The following PLEK variants were observed in gnomAD, a reference collection of about 807,000 sequenced individuals.
PLEK encodes the protein platelet 47 kDa protein.
In PLEK, 25 loss-of-function variants were observed where a neutral mutation model predicts 43.9. That is an observed-to-expected ratio of 0.57 (90% CI 0.41 to 0.79). PLEK has a LOEUF of 0.79. PLEK is among the 30% of genes least tolerant of loss of function. The pLI is 0.00. For synonymous variants in PLEK, 152 were observed against 144.4 expected, an observed-to-expected ratio of 1.05 and a Z score of -0.38; for missense variants, 396 against 413.3, an observed-to-expected ratio of 0.96 and a Z score of 0.36.
chr2:68,369,256 A>G (rs1673344002), intron 1 of PLEK, among the ~76,000 whole-genome samples: 2 of 152,236 alleles, frequency 1.3e-5, no homozygotes, highest in Admixed American at 6.5e-5. Context: ...AAGTACAGAG[A>G]GGCAAATGGC....
chr2:68,377,650 T>C (rs1467221815), intron 1 of PLEK, among the ~76,000 whole-genome samples: 1 of 152,204 alleles, frequency 6.6e-6, no homozygotes, highest in African/African-American at 2.4e-5. Flanking sequence ...TTGTCTGAGC[T>C]CCTGATATAT....
rs561751308 is a variant in PLEK at position 68,389,141 on chromosome 2, A to T, written c.762+650A>T. On this transcript the variant is annotated intron_variant, in intron 6 of 8. Transcript: ENST00000234313. ...GAGCTCTAGTCGGTTACCAGGTGCCAAGGCATATGATGCCAAGAGGTAAGA... is the reference window on the plus strand; with the variant it reads ...GAGCTCTAGTCGGTTACCAGGTGCCTAGGCATATGATGCCAAGAGGTAAGA... Among the ~76,000 whole-genome samples, 186 of 152,346 alleles carry T rather than the reference A, an allele frequency of 1.2e-3. 1 individual carries two copies. Among genetic ancestry groups the T allele is most frequent in the African/African-American group, 4.4e-3 (181 of 41,584 alleles).
chr2:68,375,015 T>A lies in PLEK; in HGVS notation c.43-5313T>A, dbSNP rs553732112. ...ATGAACATTCTTGATGAAACCTTTA[T>A]GACAATATGCATTCATTTCTCTCAG... On this transcript the variant is annotated intron_variant, in intron 1 of 8. Transcript: ENST00000234313. Among the ~76,000 whole-genome samples, 65 of 152,340 alleles carry A rather than the reference T, an allele frequency of 4.3e-4. 1 individual carries two copies. The Middle Eastern group carries it at 0.01, about 24-fold the overall frequency.
intron 1 of PLEK, among the ~76,000 whole-genome samples, chr2:68,370,451 T>C (rs547112621): frequency 2.0e-5 from 3 of 152,294 alleles, no homozygotes; most frequent in Non-Finnish European, 4.4e-5. Context: ...AGAGCAGAGA[T>C]AGGGTCTTGT....
chr2:68,388,550 C>G, intron 6 of PLEK, 59 bp downstream of exon 6: 1 of 883,638 alleles, frequency 1.1e-6, no homozygotes, highest in Non-Finnish European at 1.9e-6. Flanking sequence ...CTTTTTGTTT[C>G]TAAGTTACCC....
chr2:68,380,930 T>C, intron 3 of PLEK, 26 bp downstream of exon 3: 1 of 1,590,782 alleles, frequency 6.3e-7, no homozygotes, highest in Non-Finnish European at 8.6e-7. Context: ...TACTTCTCTT[T>C]ACCCATTCCT....
At chr2:68,388,200 G>A (rs1035152519) in intron 5 of PLEK, 187 bp from the exon 6 acceptor site, 2 of 526,732 alleles carry the variant, frequency 3.8e-6, no homozygotes, top group African/African-American at 1.9e-5. Flanking sequence ...AGCCCCGGAA[G>A]CAAGTAAAAG....
At chr2:68,383,350 T>C (rs1267053800) in intron 4 of PLEK, among the ~76,000 whole-genome samples, 1 of 152,088 alleles carries the variant, frequency 6.6e-6, no homozygotes, top group Non-Finnish European at 1.5e-5. Flanking sequence ...TTCCAGGGGT[T>C]CAAAAAAAGA....
At position 68,365,344 on chromosome 2, in the gene PLEK, C is replaced by T. The variant is rs771989953; in HGVS notation, c.-8C>T. The T allele has an allele frequency of 6.2e-7, 1 of 1,613,494 alleles. No homozygotes were observed. Among genetic ancestry groups the T allele is most frequent in the Non-Finnish European group, 8.5e-7 (1 of 1,179,534 alleles). On this transcript the variant is annotated 5_prime_UTR_variant, in exon 1 of 9. Coordinates refer to ENST00000234313, the MANE Select transcript of PLEK (RefSeq NM_002664.3). ...AGAGTGACCTTTGCATCTGCCTGTC[C>T]AGCCAGCATGGAACCAAAGCGGATC...
At chr2:68,369,334 T>C (rs1362598049) in intron 1 of PLEK, among the ~76,000 whole-genome samples, 1 of 152,126 alleles carries the variant, frequency 6.6e-6, no homozygotes, top group Admixed American at 6.5e-5. Flanking sequence ...GGCCCCAGTA[T>C]CACGCAGAGC....
intron 6 of PLEK, among the ~76,000 whole-genome samples, chr2:68,392,589 G>T (rs1368498804): frequency 6.6e-6 from 1 of 152,122 alleles, no homozygotes; most frequent in African/African-American, 2.4e-5. Flanking sequence ...ACCTGAGTAT[G>T]TCTCTTGCAT....
rs193105673 is a variant in PLEK, at chr2:68,387,679, G to T, written c.658-708G>T. Among the ~76,000 whole-genome samples the T allele has an allele frequency of 2.0e-3, 307 of 152,216 alleles. 1 individual carries two copies. The highest frequency in any genetic ancestry group is 6.6e-3 in the African/African-American group (273 of 41,534). On this transcript the variant is annotated intron_variant, in intron 5 of 8. Transcript: ENST00000234313. ...TGTTTCTATCTTGGATCAGAGCACA[G>T]AATTTAGGAAGTTACCTAAGAGAAC...
chr2:68,372,177 A>T (rs1345899108), intron 1 of PLEK, among the ~76,000 whole-genome samples: 14 of 148,438 alleles, frequency 9.4e-5, no homozygotes, highest in South Asian at 2.1e-4. Context: ...AGAGAAGTTC[A>T]TTTTTTTTTT....
chr2:68,369,419 G>A (rs916410808), intron 1 of PLEK, among the ~76,000 whole-genome samples: 2 of 151,596 alleles, frequency 1.3e-5, no homozygotes, highest in Non-Finnish European at 2.9e-5. Context: ...TCACCATGAT[G>A]AGGGGTACCC....
At chr2:68,395,600 T>C in intron 8 of PLEK, 80 bp from the exon 9 acceptor site, 2 of 1,475,028 alleles carry the variant, frequency 1.4e-6, no homozygotes, top group Non-Finnish European at 1.9e-6. Context: ...AAACAGAGAT[T>C]TCATGGCTTG....
intron 5 of PLEK, 32 bp from the exon 6 acceptor site, chr2:68,388,355 T>C: frequency 7.9e-7 from 1 of 1,266,358 alleles, no homozygotes; most frequent in Non-Finnish European, 1.2e-6. Context: ...CTAAGACTGG[T>C]GATGTTAGCT....
At chr2:68,365,557 G>T (rs1008026153) in intron 1 of PLEK, 164 bp downstream of exon 1, 1 of 605,160 alleles carries the variant, frequency 1.7e-6, no homozygotes, top group Non-Finnish European at 3.0e-6. Flanking sequence ...TGGGGTTAGG[G>T]GAGTGGGGAT....
At chr2:68,377,615 T>C (rs1221706130) in intron 1 of PLEK, among the ~76,000 whole-genome samples, 2 of 152,160 alleles carry the variant, frequency 1.3e-5, no homozygotes, top group Non-Finnish European at 2.9e-5. Flanking sequence ...TTTTGAATGG[T>C]TTATTAGATT....
intron 1 of PLEK, among the ~76,000 whole-genome samples, chr2:68,378,318 C>T (rs2103767816): frequency 6.6e-6 from 1 of 152,148 alleles, no homozygotes; most frequent in East Asian, 1.9e-4. Flanking sequence ...CAAATCATAG[C>T]ATACACTGAA....
Sources: allele counts gnomAD v4.1 joint callset (sites outside exome capture counted in the v4.1 genomes callset), GRCh38; gene constraint gnomAD v4.1.1; transcripts MANE v1.5; gene names NCBI Gene and HGNC (gene_info 2026-07-23, HGNC 2026-07-21).